Variants in RANBP2 observed in about 807,000 individuals in gnomAD.
RANBP2 encodes the protein RAN binding protein 2, also known as E3 SUMO-protein ligase RanBP2.
Under a neutral mutation model 303.6 loss-of-function variants are expected in RANBP2, and 57 were observed. The observed-to-expected ratio is 0.19, with a 90% CI of 0.15 to 0.23. The LOEUF (loss-of-function observed/expected upper bound fraction) is 0.23, where lower values mean the gene tolerates loss of function less well. RANBP2 is among the 10% of genes least tolerant of loss of function. The pLI, the probability that RANBP2 is intolerant of heterozygous loss-of-function variation, is 1.00. For missense variants in RANBP2, 3,138 were observed against 3,780.8 expected, an observed-to-expected ratio of 0.83 and a Z score of 4.46; for synonymous variants, 1,167 against 1,301.5, an observed-to-expected ratio of 0.90 and a Z score of 2.23.
At chr2:109,593,149 A>G in the RANBP2 span, 2 of 1,482,052 alleles carry the variant, frequency 1.3e-6, no homozygotes, top group Non-Finnish European at 1.9e-6. Context: ...GCTTAAAAGG[A>G]AACAGAAACA....
chr2:108,995,514 G>A, the RANBP2 span, among the ~76,000 whole-genome samples: 1,097 of 152,262 alleles, frequency 7.2e-3, 8 homozygotes, highest in South Asian at 0.029. Flanking sequence ...GCCAAAATGG[G>A]AATAAACAGG....
At chr2:109,107,245 C>A in the RANBP2 span, among the ~76,000 whole-genome samples, 1 of 150,468 alleles carries the variant, frequency 6.6e-6, no homozygotes, top group Non-Finnish European at 1.5e-5. Context: ...TTTTCAGCTG[C>A]CAAAGACTTC....
chr2:109,093,019 T>C, the RANBP2 span, among the ~76,000 whole-genome samples: 1 of 152,262 alleles, frequency 6.6e-6, no homozygotes, highest in Non-Finnish European at 1.5e-5. Flanking sequence ...TCTTGTTTTG[T>C]ATCCTTAACC....
At chr2:108,929,381 T>C in the RANBP2 span, 3 of 1,613,922 alleles carry the variant, frequency 1.9e-6, no homozygotes, top group African/African-American at 4.0e-5. Context: ...GCCACAGGAC[T>C]GTCCAGGGAA....
chr2:109,576,847 GAGA>G, the RANBP2 span, among the ~76,000 whole-genome samples: 1 of 152,086 alleles, frequency 6.6e-6, no homozygotes, highest in Admixed American at 6.6e-5. Flanking sequence ...AAGATATAAT[GAGA>G]AGATCTAACA....
the RANBP2 span, among the ~76,000 whole-genome samples, chr2:108,881,839 C>A: frequency 7.2e-5 from 11 of 152,206 alleles, no homozygotes; most frequent in Admixed American, 3.3e-4. Flanking sequence ...GAAACAATTA[C>A]AATAGTAACA....
intron 5 of RANBP2, 71 bp from the exon 6 acceptor site, chr2:108,736,033 G>C (rs1356731489): frequency 6.2e-7 from 1 of 1,610,900 alleles, no homozygotes; most frequent in Non-Finnish European, 8.5e-7. Flanking sequence ...AAAGGAATTT[G>C]TAGGCTTAAA....
At chr2:108,984,311 G>A in the RANBP2 span, among the ~76,000 whole-genome samples, 1 of 152,178 alleles carries the variant, frequency 6.6e-6, no homozygotes, top group Non-Finnish European at 1.5e-5. Context: ...GGCATGGGAT[G>A]GGGTGGTGTG....
chr2:108,871,144 T>TA, the RANBP2 span, among the ~76,000 whole-genome samples: 1 of 152,042 alleles, frequency 6.6e-6, no homozygotes, highest in Non-Finnish European at 1.5e-5. Context: ...TAGAAGGAAA[T>TA]ACTTTTACAG....
the RANBP2 span, among the ~76,000 whole-genome samples, chr2:109,492,797 C>T: frequency 2.0e-5 from 3 of 152,064 alleles, no homozygotes; most frequent in Admixed American, 2.0e-4. Context: ...CCTGTGTAGT[C>T]ACAGGGCCTA....
chr2:109,081,587 G>T, the RANBP2 span, among the ~76,000 whole-genome samples: 2 of 152,132 alleles, frequency 1.3e-5, no homozygotes, highest in Non-Finnish European at 2.9e-5. Flanking sequence ...ACTGCCTGTC[G>T]CTTGTGGTCC....
At chr2:109,722,331 GC>G in the RANBP2 span, among the ~76,000 whole-genome samples, 1 of 152,198 alleles carries the variant, frequency 6.6e-6, no homozygotes, top group Non-Finnish European at 1.5e-5. Context: ...AAGAGGCAGA[GC>G]CTGGCACTGC....
Position 108,768,162 on chromosome 2 carries a change from T to G in RANBP2, c.7623T>G (p.Thr2541=). 6.2e-7 allele frequency: 1 copy of G among 1,612,076 alleles called. No individual in the cohort carries two copies. Among genetic ancestry groups the G allele is most frequent in the South Asian group, 1.1e-5 (1 of 90,992 alleles). The change falls in exon 20 of 29, where the codon ACT becomes ACG. Residue 2541 remains threonine (T), a synonymous_variant. Transcript: ENST00000283195. The part of the protein sequence containing the change: ...KPFAFGNSSA[T]GSLFGFSFNA... ...TTGCATTCGGCAACAGTTCAGCCACTGGGTCTTTGTTTGGATTTAGTTTTA... is the reference window on the plus strand; with the variant it reads ...TTGCATTCGGCAACAGTTCAGCCACGGGGTCTTTGTTTGGATTTAGTTTTA...
intron 7 of RANBP2, among the ~76,000 whole-genome samples, chr2:108,744,098 A>C (rs1281990112): frequency 1.3e-5 from 2 of 152,074 alleles, no homozygotes; most frequent in East Asian, 3.9e-4. Flanking sequence ...GTATCTTGAA[A>C]CCTTTTAGTT....
At chr2:109,587,924 A>C in the RANBP2 span, among the ~76,000 whole-genome samples, 3 of 151,492 alleles carry the variant, frequency 2.0e-5, no homozygotes, top group Non-Finnish European at 4.4e-5. Context: ...AAAAAAAAAA[A>C]CAAAAACAAA....
In RANBP2 at chr2:108,775,203, C is replaced by A. The variant is rs914629698; in HGVS notation, c.8293-529C>A. ...ATCTGTACGTTAGATGCTACTGTGC[C>A]ATTTCCAAATATTTGGTGATTTTCC... is the stretch of plus-strand genomic sequence containing the variant. On this transcript the variant is annotated intron_variant, in intron 23 of 28. Coordinates refer to ENST00000283195, the MANE Select transcript of RANBP2 (RefSeq NM_006267.5). Among the ~76,000 whole-genome samples, 11 of 152,182 alleles carry A rather than the reference C, an allele frequency of 7.2e-5. No homozygotes were observed. The South Asian group carries it at 2.3e-3, about 32-fold the overall frequency.
chr2:109,076,635 C>A, the RANBP2 span, among the ~76,000 whole-genome samples: 1 of 150,142 alleles, frequency 6.7e-6, no homozygotes, highest in East Asian at 1.9e-4. Context: ...AATCAAGGAA[C>A]AATCTCATTT....
At chr2:109,604,654 G>T in the RANBP2 span, among the ~76,000 whole-genome samples, 1 of 151,208 alleles carries the variant, frequency 6.6e-6, no homozygotes. Context: ...ATGAACCGGG[G>T]AGGCGGAGCT....
the RANBP2 span, among the ~76,000 whole-genome samples, chr2:109,629,285 A>T: frequency 7.3e-6 from 1 of 136,926 alleles, no homozygotes; most frequent in Admixed American, 7.8e-5. Flanking sequence ...GCAAGTACAA[A>T]TGTCACCTGG....
Sources: allele counts gnomAD v4.1 joint callset (sites outside exome capture counted in the v4.1 genomes callset), GRCh38; gene constraint gnomAD v4.1.1; transcripts MANE v1.5; gene names NCBI Gene and HGNC (gene_info 2026-07-23, HGNC 2026-07-21).